Variants in CENPK observed in about 807,000 individuals in gnomAD.
The protein encoded by CENPK is centromere protein K.
In CENPK, 46 loss-of-function variants were observed where a neutral mutation model predicts 40.9. The observed-to-expected ratio is 1.13, with a 90% CI of 0.89 to 1.44. The LOEUF is 1.44. CENPK is among the 40% of genes most tolerant of loss of function. CENPK has a pLI of 0.00. For synonymous variants in CENPK, 107 were observed against 104.4 expected, an observed-to-expected ratio of 1.02 and a Z score of -0.15; for missense variants, 288 against 303.5, an observed-to-expected ratio of 0.95 and a Z score of 0.38.
intron 5 of CENPK, among the ~76,000 whole-genome samples, chr5:65,546,608 G>A (rs1036017833): frequency 1.3e-5 from 2 of 152,194 alleles, no homozygotes; most frequent in Non-Finnish European, 2.9e-5. Flanking sequence ...CTTTGAATAT[G>A]ACTGTATTTG....
intron 5 of CENPK, among the ~76,000 whole-genome samples, chr5:65,550,173 TCAAAAAA>T (rs1243594371): frequency 4.4e-4 from 46 of 104,282 alleles, no homozygotes; most frequent in Middle Eastern, 9.4e-3. Flanking sequence ...AGACTCCATC[TCAAAAAA>T]AAAAAAAAAA....
intron 2 of CENPK, among the ~76,000 whole-genome samples, chr5:65,558,755 A>G (rs1751411926): frequency 6.6e-6 from 1 of 152,196 alleles, no homozygotes; most frequent in Admixed American, 6.5e-5. Context: ...GGACAAAGTG[A>G]AAGAATGGCC....
intron 6 of CENPK, among the ~76,000 whole-genome samples, chr5:65,539,439 C>G (rs947663592): frequency 2.0e-5 from 3 of 152,190 alleles, no homozygotes; most frequent in Middle Eastern, 3.2e-3. Flanking sequence ...GATAGACATT[C>G]CTATTCCAAA....
Position 65,563,121 on chromosome 5 carries a change from G to A in CENPK, c.-165C>T, listed in dbSNP as rs892736211. On this transcript the variant is annotated 5_prime_UTR_variant, in exon 1 of 11. Coordinates refer to ENST00000396679, the MANE Select transcript of CENPK (RefSeq NM_022145.5). ...ACCATCACAGCGTCACAAACTCCAGGTCGCCTAGGCGCTGCGCAGGAAGCG... is the reference window on the plus strand; with the variant it reads ...ACCATCACAGCGTCACAAACTCCAGATCGCCTAGGCGCTGCGCAGGAAGCG... The A allele has an allele frequency of 3.1e-6, 2 of 654,352 alleles. No homozygotes were observed. Among genetic ancestry groups the A allele is most frequent in the African/African-American group, 1.8e-5 (1 of 54,400 alleles). 40.5% of individuals were successfully genotyped at this position (654,352 alleles called of 1,614,324 possible). A position where few individuals can be genotyped will look rare whatever the true frequency, so the allele number is the denominator to read the frequency against.
intron 5 of CENPK, among the ~76,000 whole-genome samples, chr5:65,544,297 C>T (rs1026825351): frequency 5.3e-5 from 8 of 152,126 alleles, no homozygotes; most frequent in Admixed American, 5.2e-4. Context: ...CTTTTTAACA[C>T]TATCATAATG....
chr5:65,531,255 G>A (rs1161701719), intron 6 of CENPK, among the ~76,000 whole-genome samples: 2 of 150,148 alleles, frequency 1.3e-5, no homozygotes, highest in Non-Finnish European at 3.0e-5. Context: ...GCATTAAATT[G>A]AAAAATAGAA....
downstream of CENPK, among the ~76,000 whole-genome samples, chr5:65,516,227 G>A (rs951779233): frequency 1.3e-5 from 2 of 152,136 alleles, no homozygotes; most frequent in African/African-American, 4.8e-5. Context: ...TGGATTTCTT[G>A]TTTAGTCGTT....
downstream of CENPK, among the ~76,000 whole-genome samples, chr5:65,513,392 G>GT (rs1166192876): frequency 5.3e-5 from 8 of 152,158 alleles, no homozygotes; most frequent in African/African-American, 1.7e-4. Context: ...TTAGGAAGAC[G>GT]TAACACCTTA....
rs536257254 is a variant in CENPK, at chr5:65,527,466, G to A, written c.597+986C>T. On this transcript the variant is annotated intron_variant, in intron 9 of 10. Transcript: ENST00000396679. ...ATGATTAAACATATTATTATTCAAT[G>A]ATTACTGCAATTTCAAAAGTCTTAT... Among the ~76,000 whole-genome samples, 245 of 127,388 alleles carry A rather than the reference G, an allele frequency of 1.9e-3. 1 individual carries two copies. The highest frequency in any genetic ancestry group is 6.1e-3 in the African/African-American group (214 of 35,044). 83.6% of individuals were successfully genotyped at this position (127,388 alleles called of 152,430 possible).
At chr5:65,532,746 C>A (rs1173102762) in intron 6 of CENPK, among the ~76,000 whole-genome samples, 1 of 151,178 alleles carries the variant, frequency 6.6e-6, no homozygotes, top group East Asian at 2.0e-4. Context: ...CCCGTCTCTA[C>A]TAAAAATACA....
intron 10 of CENPK, 87 bp from the exon 11 acceptor site, chr5:65,518,720 C>G (rs1238128698): frequency 2.6e-6 from 2 of 784,180 alleles, no homozygotes. Flanking sequence ...GAATATTGAC[C>G]TCTTTTCTTT....
downstream of CENPK, among the ~76,000 whole-genome samples, chr5:65,513,704 A>G (rs1742664062): frequency 6.6e-6 from 1 of 152,224 alleles, no homozygotes; most frequent in Non-Finnish European, 1.5e-5. Context: ...TTTTGTTGAG[A>G]CATAGGAATT....
the CENPK span, among the ~76,000 whole-genome samples, chr5:65,499,652 TTTTTTTTTTTTTTAA>T: frequency 8.8e-5 from 2 of 22,854 alleles, no homozygotes; most frequent in African/African-American, 4.9e-4. Context: ...ATATTAGATC[TTTTTTTTTTTTTTAA>T]TTTTTTTTTT....
intron 10 of CENPK, among the ~76,000 whole-genome samples, chr5:65,518,984 G>C (rs964359927): frequency 6.6e-6 from 1 of 152,118 alleles, no homozygotes; most frequent in Non-Finnish European, 1.5e-5. Flanking sequence ...AAAAGAAAGT[G>C]AGCAAGTGTG....
chr5:65,527,089 T>C (rs1429479996), intron 9 of CENPK, among the ~76,000 whole-genome samples: 1 of 151,596 alleles, frequency 6.6e-6, no homozygotes, highest in Non-Finnish European at 1.5e-5. Flanking sequence ...AGAGCAAAAC[T>C]CGGTCCCCAA....
At chr5:65,553,384 T>C (rs1299134053) in intron 3 of CENPK, among the ~76,000 whole-genome samples, 1 of 151,286 alleles carries the variant, frequency 6.6e-6, no homozygotes, top group Non-Finnish European at 1.5e-5. Context: ...TCGAAATCCA[T>C]AATGCTTTAA....
chr5:65,529,280 G>T, intron 6 of CENPK, 81 bp from the exon 7 acceptor site: 1 of 863,410 alleles, frequency 1.2e-6, no homozygotes, highest in Non-Finnish European at 1.8e-6. Context: ...TTACACAGTG[G>T]TCCAGGATAC....
intron 2 of CENPK, among the ~76,000 whole-genome samples, chr5:65,559,471 T>C (rs1221255892): frequency 1.3e-5 from 2 of 151,024 alleles, no homozygotes; most frequent in Admixed American, 6.6e-5. Context: ...CTACTAAAAA[T>C]ACAAAAAATT....
chr5:65,526,106 C>A (rs1314382459), intron 9 of CENPK, among the ~76,000 whole-genome samples: 2 of 152,136 alleles, frequency 1.3e-5, no homozygotes, highest in African/African-American at 2.4e-5. Context: ...GTTATCAAAT[C>A]TGACTTAATG....
Sources: allele counts gnomAD v4.1 joint callset (sites outside exome capture counted in the v4.1 genomes callset), GRCh38; gene constraint gnomAD v4.1.1; transcripts MANE v1.5; gene names NCBI Gene and HGNC (gene_info 2026-07-23, HGNC 2026-07-21).